The following DNAJC9 variants were observed in gnomAD, a reference collection of about 807,000 sequenced individuals.
DNAJC9 encodes dnaJ homolog subfamily C member 9.
A neutral mutation model predicts 32.4 loss-of-function variants in DNAJC9; 18 were observed. The observed-to-expected ratio is 0.56, with a 90% CI of 0.38 to 0.82. The LOEUF (loss-of-function observed/expected upper bound fraction) is 0.82, where lower values mean the gene tolerates loss of function less well. DNAJC9 is among the 40% of genes least tolerant of loss of function. The pLI is 0.00. For missense variants in DNAJC9, 310 were observed against 321.8 expected (o/e 0.96, Z 0.28); for synonymous variants, 113 against 122.1 (o/e 0.93, Z 0.49).
chr10:73,244,083 G>T, intron 3 of DNAJC9, 154 bp from the exon 4 acceptor site: 1 of 619,180 alleles, frequency 1.6e-6, no homozygotes, highest in South Asian at 2.1e-5. Context: ...TTCATTAAAT[G>T]GCAACAATGC....
intron 3 of DNAJC9, chr10:73,244,200 A>C (rs778692278): frequency 1.5e-5 from 6 of 409,618 alleles, no homozygotes; most frequent in Non-Finnish European, 2.6e-5. Context: ...ACATGATGAT[A>C]AAAAGGAACA....
At chr10:73,234,924 G>C (rs1264923640), downstream of DNAJC9, 4 of 1,551,846 alleles carry the variant, frequency 2.6e-6, no homozygotes, top group African/African-American at 4.1e-5. Context: ...AGCACTGTGG[G>C]GCCACAAAGA....
In DNAJC9 at chr10:73,247,230, A is replaced by C; in HGVS notation, c.-41T>G. On this transcript the variant is annotated 5_prime_UTR_variant, in exon 1 of 5. Transcript: ENST00000372950. ...GACCCCGGAGGAAGCAGCCGCTCCC[A>C]GCTGCGCCGGGTACAACCCAGGACT... 3.2e-6 allele frequency: 5 copies of C among 1,563,418 alleles called. No homozygotes were observed. Among genetic ancestry groups the C allele is most frequent in the Non-Finnish European group, 4.3e-6 (5 of 1,154,820 alleles).
Position 73,247,041 on chromosome 10 carries a change from CCCT to C in DNAJC9, c.146_148del (p.Glu49del), listed in dbSNP as rs1425765380. 1 of 1,547,800 alleles carries C rather than the reference CCCT, an allele frequency of 6.5e-7. No individual in the cohort carries two copies. The highest frequency in any genetic ancestry group is 8.7e-7 in the Non-Finnish European group (1 of 1,145,822). The stretch of plus-strand genomic sequence containing the variant: ...GCGGCGGGTGGCGTCCTCCTTGTCG[CCCT>C]CACCCACCCGGTCCGGGTGTACCTG... On this transcript the variant is annotated inframe_deletion, in exon 1 of 5. Transcript: ENST00000372950.
chr10:73,235,887 T>C (rs2043809387), downstream of DNAJC9, among the ~76,000 whole-genome samples: 1 of 152,200 alleles, frequency 6.6e-6, no homozygotes, highest in South Asian at 2.1e-4. Flanking sequence ...TACCATTTAT[T>C]AGGCATTTAC....
At position 73,243,509 on chromosome 10, in the gene DNAJC9, T is replaced by G. The variant is rs1179479459; in HGVS notation, c.674A>C (p.Lys225Thr). 6.2e-7 allele frequency: 1 copy of G among 1,614,038 alleles called. No homozygotes were observed. The highest frequency in any genetic ancestry group is 1.7e-5 in the Admixed American group (1 of 59,998). ...ATTGTCCATTTCCTTTTGCCGATCC[T>G]TTTGTCTGCTCTGTTTGAGAAGTTA... ...SLKAAIQSRQ[K>T]DRQKEMDNFL... The change falls in exon 5 of 5, where the codon AAG becomes ACG. Residue 225 changes from lysine to threonine, a missense_variant. Coordinates refer to ENST00000372950, the MANE Select transcript of DNAJC9 (RefSeq NM_015190.5).
downstream of DNAJC9, among the ~76,000 whole-genome samples, chr10:73,240,767 A>G (rs2043931884): frequency 6.6e-6 from 1 of 151,940 alleles, no homozygotes; most frequent in Admixed American, 6.6e-5. Context: ...AGTGGAAGTG[A>G]GTAAATCAGA....
rs541166928 is a variant in DNAJC9, at chr10:73,232,935, C to G, written n.147+10908G>C. The G allele has an allele frequency of 7.2e-6, 11 of 1,526,046 alleles. No homozygotes were observed. The East Asian group carries it at 2.7e-4, about 37-fold the overall frequency. The allele number at this position is 1,526,046 out of a possible 1,614,324, so 94.5% of individuals were successfully genotyped here. A position where few individuals can be genotyped will look rare whatever the true frequency, so the allele number is the denominator to read the frequency against. On this transcript the variant is annotated intron_variant and non_coding_transcript_variant, in intron 2 of 2. Transcript: ENST00000469143. ...TCATTGTGGGTTTCTGATTTGGCTA[C>G]TAGAGATCTTGATGACAAGCTACTT...
At chr10:73,239,014 C>G (rs2043885372), downstream of DNAJC9, 2 of 228,458 alleles carry the variant, frequency 8.8e-6, no homozygotes, top group African/African-American at 2.3e-5. Context: ...TGAGACGAAC[C>G]CCCTTAGAAC....
At chr10:73,236,136 T>A (rs1295180368), downstream of DNAJC9, among the ~76,000 whole-genome samples, 2 of 152,176 alleles carry the variant, frequency 1.3e-5, no homozygotes, top group African/African-American at 2.4e-5. Context: ...CTGCAAAGTT[T>A]TTCTTCTATG....
downstream of DNAJC9, chr10:73,240,966 A>AT (rs779266442): frequency 5.2e-6 from 8 of 1,544,070 alleles, no homozygotes. Flanking sequence ...ACATGGGTCT[A>AT]CAAAATCTCA....
rs760415559 is a variant in DNAJC9 at position 73,243,833 on chromosome 10, C to T, written c.663+10G>A. 1.9e-6 allele frequency: 3 copies of T among 1,609,034 alleles called. No homozygotes were observed. Among genetic ancestry groups the T allele is most frequent in the African/African-American group, 2.7e-5 (2 of 74,666 alleles). ...TCATTAAAGATGTGGCAACAAACTGCCAAGTTTACCTGAATGGCTGCCTTC... is the reference window on the plus strand; with the variant it reads ...TCATTAAAGATGTGGCAACAAACTGTCAAGTTTACCTGAATGGCTGCCTTC... On this transcript the variant is annotated intron_variant, in intron 4 of 4. Coordinates refer to ENST00000372950, the MANE Select transcript of DNAJC9 (RefSeq NM_015190.5).
rs923248433 is a variant in DNAJC9, at chr10:73,246,562, A to T, written c.321+126T>A. 7 of 1,129,024 alleles carry T rather than the reference A, an allele frequency of 6.2e-6. No homozygotes were observed. In the African/African-American group the frequency reaches 1.1e-4, roughly 18 times the overall value. The allele number at this position is 1,129,024 out of a possible 1,614,324, so 69.9% of individuals were successfully genotyped here. On this transcript the variant is annotated intron_variant, in intron 2 of 4. Coordinates refer to ENST00000372950, the MANE Select transcript of DNAJC9 (RefSeq NM_015190.5). ...TAAGCGTGCGTGTATCTGTATTTCA[A>T]GGCCAAACTCAAAATTCCTAATTCC...
chr10:73,236,709 G>C (rs2043829891), downstream of DNAJC9, among the ~76,000 whole-genome samples: 1 of 149,524 alleles, frequency 6.7e-6, no homozygotes, highest in Admixed American at 6.7e-5. Flanking sequence ...ACTGTACCCG[G>C]CCTTTTTTTT....
At chr10:73,237,423 T>C (rs1008654209), downstream of DNAJC9, among the ~76,000 whole-genome samples, 1 of 149,274 alleles carries the variant, frequency 6.7e-6, no homozygotes, top group African/African-American at 2.4e-5. Context: ...CTCTGAAACT[T>C]TTTTTTTTTT....
chr10:73,244,406 A>AGACCTC, intron 3 of DNAJC9: 1 of 153,378 alleles, frequency 6.5e-6, no homozygotes, highest in Non-Finnish European at 1.4e-5. Context: ...CTGAGGTGGG[A>AGACCTC]AGATGGCTTC....
chr10:73,246,744 G>C lies in DNAJC9; in HGVS notation c.265C>G (p.Pro89Ala). The change falls in exon 2 of 5, where the codon CCT becomes GCT. Residue 89 changes from proline (P) to alanine (A), a missense_variant. Physicochemically the swap from Pro to Ala is conservative, Grantham distance 27. Coordinates refer to ENST00000372950, the MANE Select transcript of DNAJC9 (RefSeq NM_015190.5). ...CAGTCTCGGTCTTGGGTGAGCACAGGAGAGTCCTCGTCCACTGTTCCCTGC... is the reference window on the plus strand; with the variant it reads ...CAGTCTCGGTCTTGGGTGAGCACAGCAGAGTCCTCGTCCACTGTTCCCTGC... ...DEQGTVDEDS[P>A]VLTQDRDWEA... 6.2e-7 allele frequency: 1 copy of C among 1,614,092 alleles called. No homozygotes were observed. Among genetic ancestry groups the C allele is most frequent in the Non-Finnish European group, 8.5e-7 (1 of 1,179,960 alleles).
chr10:73,246,335 C>G lies in DNAJC9; in HGVS notation c.322-159G>C, dbSNP rs553597757. ...TCTATGCCTAAGCTTCTCCGGAGTC[C>G]TCCTTTTTAAATCCAATCTTCATTA... On this transcript the variant is annotated intron_variant, in intron 2 of 4. Transcript: ENST00000372950. Among the ~76,000 whole-genome samples, 12 of 149,562 alleles carry G rather than the reference C, an allele frequency of 8.0e-5. No homozygotes were observed. In the South Asian group the frequency reaches 2.1e-3, roughly 27 times the overall value.
chr10:73,240,700 T>C (rs1276988587), downstream of DNAJC9, among the ~76,000 whole-genome samples: 2 of 145,242 alleles, frequency 1.4e-5, no homozygotes, highest in Non-Finnish European at 3.0e-5. Flanking sequence ...GGGGACAGAG[T>C]GAGACTCCAC....
Sources: allele counts gnomAD v4.1 joint callset (sites outside exome capture counted in the v4.1 genomes callset), GRCh38; gene constraint gnomAD v4.1.1; transcripts MANE v1.5; gene names NCBI Gene and HGNC (gene_info 2026-07-23, HGNC 2026-07-21).